STK31: variants seen among roughly 807,000 people sequenced by gnomAD.
STK31 encodes the protein serine/threonine kinase 31.
STK31 carries 89 observed loss-of-function variants against 129.7 expected under a neutral mutation model. The observed-to-expected ratio is 0.69, with a 90% confidence interval of 0.58 to 0.82. STK31 has a LOEUF of 0.82. STK31 is among the 40% of genes least tolerant of loss of function. The pLI is 0.00. For missense variants in STK31, 1,187 were observed against 1,176.4 expected, an observed-to-expected ratio of 1.01 and a Z score of -0.13; for synonymous variants, 448 against 395.3, an observed-to-expected ratio of 1.13 and a Z score of -1.58.
rs1332709702 is a variant in STK31, at chr7:23,772,274, A to G, written c.1961A>G (p.Glu654Gly). The change falls in exon 15 of 24, where the codon GAA (glutamate) becomes GGA (glycine). Residue 654 changes from glutamate to glycine, a missense_variant. Transcript: ENST00000355870. ...AAATTGGTTGAAAAGAGTAATTTGG[A>G]AGAGGTAAGGAAACAGTTGTTTCTT... is the stretch of plus-strand genomic sequence containing the variant. ...RWKLVEKSNLEESDDPDGSQI... is the reference protein window; with the variant it reads ...RWKLVEKSNLGESDDPDGSQI... 1 of 1,603,906 alleles carries G rather than the reference A, an allele frequency of 6.2e-7. No homozygotes were observed. Among genetic ancestry groups the G allele is most frequent in the African/African-American group, 1.3e-5 (1 of 74,392 alleles).
chr7:23,724,703 T>C (rs1437693673), intron 4 of STK31, among the ~76,000 whole-genome samples: 2 of 152,232 alleles, frequency 1.3e-5, no homozygotes, highest in Non-Finnish European at 2.9e-5. Context: ...CTTACCCCTG[T>C]CTTCTTACCA....
Position 23,832,394 on chromosome 7 carries a change from C to CT in STK31, c.*33dup. The CT allele has an allele frequency of 6.6e-7, 1 of 1,520,352 alleles. No homozygotes were observed. Among genetic ancestry groups the CT allele is most frequent in the South Asian group, 1.2e-5 (1 of 84,604 alleles). 94.2% of individuals were successfully genotyped at this position (1,520,352 alleles called of 1,614,324 possible). A position where few individuals can be genotyped will look rare whatever the true frequency, so the allele number is the denominator to read the frequency against. On this transcript the variant is annotated 3_prime_UTR_variant, in exon 24 of 24. Transcript: ENST00000355870. Reference sequence around the variant, plus strand: ...TATTATTGTTGTTGTTGCAGAGGTTCTTTTTAAAAACTTTGGTTTGGTTAA... The same window carrying CT: ...TATTATTGTTGTTGTTGCAGAGGTTCTTTTTTAAAAACTTTGGTTTGGTTAA...
chr7:23,748,507 A>G (rs1001974625), intron 8 of STK31, among the ~76,000 whole-genome samples: 12 of 152,294 alleles, frequency 7.9e-5, no homozygotes, highest in Middle Eastern at 3.4e-3. Context: ...AATAAAAGTT[A>G]CATCAGTTAT....
chr7:23,780,840 T>C (rs1790880895), intron 15 of STK31, among the ~76,000 whole-genome samples: 1 of 152,230 alleles, frequency 6.6e-6, no homozygotes, highest in Non-Finnish European at 1.5e-5. Context: ...TTTTTATGGT[T>C]GTAGCTATCT....
intron 8 of STK31, among the ~76,000 whole-genome samples, chr7:23,740,285 A>G (rs1431635894): frequency 1.3e-5 from 2 of 152,138 alleles, no homozygotes; most frequent in African/African-American, 2.4e-5. Flanking sequence ...AATCCACTGA[A>G]GCCATTTTTT....
Position 23,772,365 on chromosome 7 carries a change from T to G in STK31, c.1965+87T>G, listed in dbSNP as rs1790255010. On this transcript the variant is annotated intron_variant, in intron 15 of 23. Coordinates refer to ENST00000355870, the MANE Select transcript of STK31 (RefSeq NM_031414.5). The stretch of plus-strand genomic sequence containing the variant: ...TCATAAAAATAATGCATAAATACAC[T>G]CTTTACAATAAGAGAGCCATTACAT... 5 of 1,336,062 alleles carry G rather than the reference T, an allele frequency of 3.7e-6. No individual in the cohort carries two copies. The South Asian group carries it at 7.3e-5, about 19-fold the overall frequency. The allele number at this position is 1,336,062 out of a possible 1,614,324, so 82.8% of individuals were successfully genotyped here. A position where few individuals can be genotyped will look rare whatever the true frequency, so the allele number is the denominator to read the frequency against.
intron 23 of STK31, among the ~76,000 whole-genome samples, chr7:23,826,205 G>A (rs1300566054): frequency 1.3e-5 from 2 of 152,142 alleles, no homozygotes; most frequent in African/African-American, 2.4e-5. Flanking sequence ...GGGTGTTAAA[G>A]TCTCCCATTA....
At chr7:23,781,651 C>G in intron 16 of STK31, 131 bp downstream of exon 16, 5 of 553,146 alleles carry the variant, frequency 9.0e-6, no homozygotes, top group Non-Finnish European at 1.5e-5. Context: ...TATATATTGA[C>G]CTGGTAAGAT....
intron 1 of STK31, among the ~76,000 whole-genome samples, chr7:23,711,733 C>G (rs1343894242): frequency 1.3e-5 from 2 of 151,990 alleles, no homozygotes; most frequent in East Asian, 1.9e-4. Flanking sequence ...TAATGTTTCT[C>G]TTTGTTTACA....
At chr7:23,819,174 T>C (rs1484341139) in intron 23 of STK31, among the ~76,000 whole-genome samples, 1 of 152,200 alleles carries the variant, frequency 6.6e-6, no homozygotes, top group Admixed American at 6.5e-5. Flanking sequence ...TTTTTCTCAT[T>C]TGGATTTTGT....
chr7:23,769,856 T>C (rs1375435950), intron 13 of STK31, 100 bp downstream of exon 13: 1 of 731,598 alleles, frequency 1.4e-6, no homozygotes, highest in Non-Finnish European at 2.3e-6. Context: ...TCTTGCTAGT[T>C]AGAAAGTATT....
chr7:23,717,551 C>T lies in STK31; in HGVS notation c.221C>T (p.Ser74Leu), dbSNP rs1786425687. The T allele has an allele frequency of 1.2e-6, 2 of 1,612,610 alleles. No individual in the cohort carries two copies. The highest frequency in any genetic ancestry group is 1.3e-5 in the African/African-American group (1 of 74,836). The change falls in exon 4 of 24, where the codon TCA (serine) becomes TTA (leucine). Residue 74 changes from serine to leucine, a missense_variant. Transcript: ENST00000355870. ...TCTGAAGTTTGCCCCCAGGCCAGTTCAGTTTTGGGGAATCTTGACCCAAAC... is the reference window on the plus strand; with the variant it reads ...TCTGAAGTTTGCCCCCAGGCCAGTTTAGTTTTGGGGAATCTTGACCCAAAC... ...SLSEVCPQAS[S>L]VLGNLDPNKI... is the part of the protein sequence containing the mutation.
intron 8 of STK31, among the ~76,000 whole-genome samples, chr7:23,750,764 G>A (rs960414834): frequency 6.6e-6 from 1 of 152,048 alleles, no homozygotes; most frequent in Admixed American, 6.6e-5. Flanking sequence ...CATAGTATTT[G>A]TATATGTTTA....
intron 22 of STK31, among the ~76,000 whole-genome samples, chr7:23,812,654 C>T (rs1793212914): frequency 6.6e-6 from 1 of 151,010 alleles, no homozygotes; most frequent in South Asian, 2.1e-4. Context: ...TTTCTCATAC[C>T]CCACCCCTTT....
intron 18 of STK31, among the ~76,000 whole-genome samples, chr7:23,786,135 A>G (rs1791270105): frequency 6.6e-6 from 1 of 151,978 alleles, no homozygotes. Context: ...TATTATAGTC[A>G]TCCAATATCT....
chr7:23,735,685 A>G lies in STK31; in HGVS notation c.631A>G (p.Lys211Glu). 3.1e-6 allele frequency: 5 copies of G among 1,614,072 alleles called. No individual in the cohort carries two copies. Among genetic ancestry groups the G allele is most frequent in the Non-Finnish European group, 4.2e-6 (5 of 1,180,028 alleles). The change falls in exon 7 of 24, where the codon AAA becomes GAA. Residue 211 changes from lysine to glutamate, a missense_variant. By Grantham distance (56) the Lys-to-Glu change is moderately conservative. This residue lies in a region of STK31 where 975 missense variants were observed against 934.9 expected (regional missense o/e 1.04). Transcript: ENST00000355870. ...EEVLKKGFAE[K>E]CRLASRTDIC... The stretch of plus-strand genomic sequence containing the variant: ...GGTGCTTAAGAAAGGATTTGCAGAG[A>G]AATGCAGACTTGCTTCCAGAACTGA...
In STK31 at chr7:23,750,075, C is replaced by G. The variant is rs951453775; in HGVS notation, c.1018-2642C>G. Among the ~76,000 whole-genome samples the G allele has an allele frequency of 7.3e-4, 92 of 125,446 alleles. 16 individuals are homozygous for G. The highest frequency in any genetic ancestry group is 1.4e-3 in the Non-Finnish European group (77 of 56,572). The allele number at this position is 125,446 out of a possible 152,430, so 82.3% of individuals were successfully genotyped here. ...TTTCAGAATGGTTTGTTTCCCCCCC[C>G]GCCACTGCTGGAAACATGAGGGGAT... On this transcript the variant is annotated intron_variant, in intron 8 of 23. Transcript: ENST00000355870.
chr7:23,765,107 G>A (rs530956122), intron 11 of STK31, among the ~76,000 whole-genome samples: 46 of 151,604 alleles, frequency 3.0e-4, no homozygotes, highest in African/African-American at 9.9e-4. Context: ...CTAGGCTGGA[G>A]TGCAGTGGCC....
chr7:23,721,254 A>G (rs149080522), intron 4 of STK31: 178 of 502,260 alleles, frequency 3.5e-4, no homozygotes, highest in African/African-American at 3.3e-3. Context: ...AACAAACGCT[A>G]CATTTTCAAG....
Sources: allele counts gnomAD v4.1 joint callset (sites outside exome capture counted in the v4.1 genomes callset), GRCh38; gene constraint gnomAD v4.1.1; regional missense constraint gnomAD v4.1.1; transcripts MANE v1.5; gene names NCBI Gene and HGNC (gene_info 2026-07-23, HGNC 2026-07-21).